The following AOAH variants were observed in gnomAD, a reference collection of about 807,000 sequenced individuals.
AOAH encodes the protein acyloxyacyl hydrolase (neutrophil).
AOAH carries 64 observed loss-of-function variants against 92.2 expected under a neutral mutation model. The observed-to-expected ratio is 0.69, with a 90% CI of 0.57 to 0.86. The LOEUF (loss-of-function observed/expected upper bound fraction) is 0.86, where lower values mean the gene tolerates loss of function less well. AOAH is among the 40% of genes least tolerant of loss of function. The pLI is 0.00. For missense variants in AOAH, 656 were observed against 694.6 expected (o/e 0.94, Z 0.62); for synonymous variants, 263 against 254.5 (o/e 1.03, Z -0.32).
At chr7:36,611,481 G>A (rs569469420) in intron 11 of AOAH, among the ~76,000 whole-genome samples, 9 of 152,158 alleles carry the variant, frequency 5.9e-5, no homozygotes, top group Admixed American at 2.6e-4. Flanking sequence ...AGATGAAAAC[G>A]ATTACAATCT....
intron 13 of AOAH, among the ~76,000 whole-genome samples, chr7:36,568,128 T>C (rs1055376344): frequency 6.6e-6 from 1 of 152,200 alleles, no homozygotes; most frequent in African/African-American, 2.4e-5. Context: ...TTTGGGCTTC[T>C]GAGTGGGGGA....
intron 4 of AOAH, among the ~76,000 whole-genome samples, chr7:36,648,542 T>C (rs1794376462): frequency 6.6e-6 from 1 of 152,068 alleles, no homozygotes; most frequent in African/African-American, 2.4e-5. Context: ...AGGGGGCAAG[T>C]TTTTACTAGT....
At chr7:36,620,544 TGG>T (rs1792202811) in intron 9 of AOAH, among the ~76,000 whole-genome samples, 1 of 152,220 alleles carries the variant, frequency 6.6e-6, no homozygotes, top group Non-Finnish European at 1.5e-5. Flanking sequence ...GGATTAGATG[TGG>T]GTGACCTTAA....
chr7:36,664,606 C>T (rs1478759021), intron 3 of AOAH, among the ~76,000 whole-genome samples: 2 of 152,076 alleles, frequency 1.3e-5, no homozygotes, highest in African/African-American at 2.4e-5. Flanking sequence ...TGATCTTTTG[C>T]CTCTCCATAT....
chr7:36,717,111 G>A (rs1230244181), intron 1 of AOAH, among the ~76,000 whole-genome samples: 1 of 152,170 alleles, frequency 6.6e-6, no homozygotes, highest in Non-Finnish European at 1.5e-5. Context: ...AGGGGATCTT[G>A]GGGCTTTCCA....
At chr7:36,647,326 G>A (rs1423899626) in intron 4 of AOAH, among the ~76,000 whole-genome samples, 1 of 152,234 alleles carries the variant, frequency 6.6e-6, no homozygotes, top group Non-Finnish European at 1.5e-5. Flanking sequence ...TTAATTAAGT[G>A]AAGATGAGGG....
chr7:36,575,418 A>G (rs1057207013), intron 13 of AOAH, among the ~76,000 whole-genome samples: 7 of 152,200 alleles, frequency 4.6e-5, no homozygotes, highest in African/African-American at 1.7e-4. Context: ...TTTAATGCCC[A>G]ATTCTGAGAA....
At chr7:36,588,812 G>T (rs780066728) in intron 12 of AOAH, among the ~76,000 whole-genome samples, 3 of 152,152 alleles carry the variant, frequency 2.0e-5, no homozygotes, top group African/African-American at 4.8e-5. Context: ...GAGCATTATT[G>T]TACCACTTAT....
chr7:36,531,856 G>A (rs894378673), intron 18 of AOAH, among the ~76,000 whole-genome samples: 3 of 151,926 alleles, frequency 2.0e-5, no homozygotes, highest in African/African-American at 7.3e-5. Flanking sequence ...GTGTGTGTGT[G>A]TGTGTGTATG....
At chr7:36,711,488 CT>C (rs1204725011) in intron 1 of AOAH, among the ~76,000 whole-genome samples, 2 of 152,110 alleles carry the variant, frequency 1.3e-5, no homozygotes, top group Non-Finnish European at 2.9e-5. Context: ...TCCCTGTGGT[CT>C]TTCTCTTCAG....
At chr7:36,627,594 G>A (rs1042467183) in intron 6 of AOAH, among the ~76,000 whole-genome samples, 5 of 151,838 alleles carry the variant, frequency 3.3e-5, no homozygotes, top group East Asian at 1.9e-4. Flanking sequence ...ATGTGCAATG[G>A]GAACCCTGAT....
At chr7:36,713,387 T>C (rs1039571648) in intron 1 of AOAH, among the ~76,000 whole-genome samples, 77 of 152,248 alleles carry the variant, frequency 5.1e-4, no homozygotes, top group African/African-American at 1.8e-3. Context: ...TGGGAGACTT[T>C]AACACCCCAC....
At chr7:36,707,056 G>A (rs1798460240) in intron 1 of AOAH, among the ~76,000 whole-genome samples, 1 of 125,442 alleles carries the variant, frequency 8.0e-6, no homozygotes, top group Non-Finnish European at 1.7e-5. Flanking sequence ...TTTTTTTTTG[G>A]CATTCACCAC....
At chr7:36,528,551 C>T (rs1428491630) in intron 19 of AOAH, among the ~76,000 whole-genome samples, 1 of 152,160 alleles carries the variant, frequency 6.6e-6, no homozygotes, top group Non-Finnish European at 1.5e-5. Context: ...TGATGACTGA[C>T]CCAGCTCTTA....
intron 6 of AOAH, among the ~76,000 whole-genome samples, chr7:36,630,893 G>C (rs1257240730): frequency 6.6e-6 from 1 of 152,128 alleles, no homozygotes; most frequent in Admixed American, 6.5e-5. Context: ...CTTCTTTAAG[G>C]CTCAGTTGCT....
rs1158374195 is a variant in AOAH at position 36,678,597 on chromosome 7, GTGT to G, written c.224-4591_224-4589del. 3.6e-5 allele frequency among the ~76,000 whole-genome samples: 5 copies of G among 140,392 alleles called. No individual in the cohort carries two copies. The East Asian group carries it at 1.1e-3, about 30-fold the overall frequency. 92.1% of individuals were successfully genotyped at this position (140,392 alleles called of 152,430 possible). A position where few individuals can be genotyped will look rare whatever the true frequency, so the allele number is the denominator to read the frequency against. ...TGTGTGTGTGTGTGTGTGTGTGTGT[GTGT>G]GCGCGCGCGCGCGCGTTAGAATTCT... On this transcript the variant is annotated intron_variant, in intron 2 of 20. Coordinates refer to ENST00000617537, the MANE Select transcript of AOAH (RefSeq NM_001637.4).
intron 1 of AOAH, among the ~76,000 whole-genome samples, chr7:36,717,009 TAAATAAATAAAA>T (rs1191445080): frequency 1.8e-4 from 26 of 147,392 alleles, no homozygotes; most frequent in African/African-American, 6.5e-4. Flanking sequence ...AATAAATAAA[TAAATAAATAAAA>T]AAGCATAGTC....
intron 5 of AOAH, among the ~76,000 whole-genome samples, chr7:36,633,692 G>A (rs1408831704): frequency 6.6e-6 from 1 of 152,124 alleles, no homozygotes; most frequent in Non-Finnish European, 1.5e-5. Context: ...AGGACTGTGG[G>A]GAAGCCGTGG....
chr7:36,585,536 T>C (rs535855289), intron 12 of AOAH, among the ~76,000 whole-genome samples: 1 of 152,302 alleles, frequency 6.6e-6, no homozygotes, highest in South Asian at 2.1e-4. Context: ...TACAAAATGC[T>C]CATTGCAGCA....
Sources: gnomAD v4.1 joint callset for allele counts (sites outside exome capture counted in the v4.1 genomes callset) on GRCh38, gnomAD v4.1.1 for gene constraint, MANE v1.5 for transcripts, NCBI Gene and HGNC (gene_info 2026-07-23, HGNC 2026-07-21) for gene names.